The following TACR1 variants were observed in gnomAD, a reference collection of about 807,000 sequenced individuals.
TACR1 encodes tachykinin receptor 1.
TACR1 carries 25 observed loss-of-function variants against 35.8 expected under a neutral mutation model. That is an observed-to-expected ratio of 0.70 (90% CI 0.51 to 0.98). The LOEUF (loss-of-function observed/expected upper bound fraction) is 0.98, where lower values mean the gene tolerates loss of function less well. TACR1 is among the 50% of genes least tolerant of loss of function. The probability of loss-of-function intolerance (pLI) is 0.00; values close to 1 mark genes in which losing one functional copy is unlikely to be tolerated. For synonymous variants in TACR1, 195 were observed against 206.7 expected (o/e 0.94, Z 0.48); for missense variants, 478 against 522.9 (o/e 0.91, Z 0.84).
Position 75,198,950 on chromosome 2 carries a change from T to C in TACR1, c.-16A>G. 6.2e-7 allele frequency: 1 copy of C among 1,610,806 alleles called. No individual in the cohort carries two copies. Among genetic ancestry groups the C allele is most frequent in the Non-Finnish European group, 8.5e-7 (1 of 1,179,060 alleles). ...CGTTATCCATTTCGAAGCTAGGCGG[T>C]AAAGCCCTACTATCTGTACACAACC... On this transcript the variant is annotated 5_prime_UTR_variant, in exon 1 of 5. Transcript: ENST00000305249.
At chr2:75,171,271 G>C (rs527284442) in intron 1 of TACR1, among the ~76,000 whole-genome samples, 45 of 152,354 alleles carry the variant, frequency 3.0e-4, no homozygotes, top group Non-Finnish European at 5.3e-4. Flanking sequence ...CAAGCCCCAT[G>C]CCTTGGCAGC....
chr2:75,157,738 T>A (rs1276746541), intron 1 of TACR1, among the ~76,000 whole-genome samples: 1 of 152,238 alleles, frequency 6.6e-6, no homozygotes, highest in Non-Finnish European at 1.5e-5. Context: ...CAGGGAGATG[T>A]GGGTTTTAAG....
chr2:75,123,530 C>T (rs748692460), intron 1 of TACR1, among the ~76,000 whole-genome samples: 1 of 152,150 alleles, frequency 6.6e-6, no homozygotes, highest in Non-Finnish European at 1.5e-5. Flanking sequence ...TTTGGGAACG[C>T]ACTTCAGTTA....
intron 2 of TACR1, among the ~76,000 whole-genome samples, chr2:75,067,762 G>GA (rs1558541501): frequency 2.0e-5 from 3 of 152,100 alleles, no homozygotes; most frequent in Non-Finnish European, 4.4e-5. Context: ...AGGTCCAAAT[G>GA]TGCTGGGCAC....
At chr2:75,115,084 CGTGTGTGT>C (rs3079164) in intron 2 of TACR1, among the ~76,000 whole-genome samples, 63,895 of 148,632 alleles carry the variant, frequency 0.43, 14,343 homozygotes, top group Non-Finnish European at 0.51. Flanking sequence ...TGTTAACATA[CGTGTGTGT>C]GTGTGTGTGT....
At chr2:75,097,269 C>T (rs1273670560) in intron 2 of TACR1, among the ~76,000 whole-genome samples, 2 of 151,982 alleles carry the variant, frequency 1.3e-5, no homozygotes, top group Non-Finnish European at 2.9e-5. Flanking sequence ...TGAGTAGGTA[C>T]ACAGTACTTA....
Position 75,049,731 on chromosome 2 carries a change from G to T in TACR1, c.933-8C>A, listed in dbSNP as rs199753746. On this transcript the variant is annotated splice_polypyrimidine_tract_variant and splice_region_variant and intron_variant, in intron 4 of 4. Transcript: ENST00000305249. Reference sequence around the variant, plus strand: ...TTGAAGCCCAGACGGAACCTGGAGAGCGAGCAGATGAAGAGGTGACCCTTT... The same window carrying T: ...TTGAAGCCCAGACGGAACCTGGAGATCGAGCAGATGAAGAGGTGACCCTTT... 2.1e-4 allele frequency: 332 copies of T among 1,609,856 alleles called. 1 individual carries two copies. The South Asian group carries it at 3.5e-3, about 17-fold the overall frequency.
At chr2:75,197,073 A>C (rs776043064) in intron 1 of TACR1, among the ~76,000 whole-genome samples, 1 of 152,258 alleles carries the variant, frequency 6.6e-6, no homozygotes, top group Non-Finnish European at 1.5e-5. Flanking sequence ...GTAGTACAAA[A>C]GATAAATTTG....
At chr2:75,079,736 CTTTTTTTTTTT>C (rs11367021) in intron 2 of TACR1, among the ~76,000 whole-genome samples, 2 of 114,182 alleles carry the variant, frequency 1.8e-5, no homozygotes, top group African/African-American at 3.1e-5. Context: ...AACCTAATGC[CTTTTTTTTTTT>C]TTTTTTTTTT....
intron 1 of TACR1, among the ~76,000 whole-genome samples, chr2:75,123,295 T>C (rs1674008050): frequency 1.3e-5 from 2 of 152,216 alleles, no homozygotes; most frequent in Admixed American, 1.3e-4. Flanking sequence ...CATTGCCCTC[T>C]TTTAATATTA....
chr2:75,060,150 C>G (rs1455043953), intron 2 of TACR1, among the ~76,000 whole-genome samples: 4 of 152,128 alleles, frequency 2.6e-5, no homozygotes, highest in African/African-American at 9.7e-5. Flanking sequence ...TTTCTTCTTC[C>G]GGAGCTCACA....
At chr2:75,117,776 C>T (rs1398587709) in intron 2 of TACR1, among the ~76,000 whole-genome samples, 1 of 152,198 alleles carries the variant, frequency 6.6e-6, no homozygotes, top group Non-Finnish European at 1.5e-5. Context: ...TCATATAACA[C>T]AGATCCTATT....
intron 2 of TACR1, among the ~76,000 whole-genome samples, chr2:75,104,093 A>G (rs1307423768): frequency 6.6e-6 from 1 of 152,026 alleles, no homozygotes; most frequent in African/African-American, 2.4e-5. Context: ...AGTGAATTAA[A>G]TTCTCCAATC....
At chr2:75,169,915 T>C (rs1350939145) in intron 1 of TACR1, among the ~76,000 whole-genome samples, 1 of 152,212 alleles carries the variant, frequency 6.6e-6, no homozygotes, top group Non-Finnish European at 1.5e-5. Flanking sequence ...TTCTTCTACA[T>C]GACAAATTTG....
At chr2:75,112,144 C>T (rs1183326975) in intron 2 of TACR1, among the ~76,000 whole-genome samples, 1 of 151,904 alleles carries the variant, frequency 6.6e-6, no homozygotes, top group East Asian at 1.9e-4. Flanking sequence ...ATCTTTAGCA[C>T]ATACTAAACA....
intron 2 of TACR1, among the ~76,000 whole-genome samples, chr2:75,098,309 C>T (rs1484444387): frequency 2.0e-5 from 3 of 152,024 alleles, no homozygotes; most frequent in African/African-American, 7.2e-5. Flanking sequence ...ATAACATGAG[C>T]ATTTTCTCAT....
intron 1 of TACR1, among the ~76,000 whole-genome samples, chr2:75,182,185 A>C (rs1675575100): frequency 6.6e-6 from 1 of 152,218 alleles, no homozygotes; most frequent in Non-Finnish European, 1.5e-5. Flanking sequence ...TAAGAGTGAA[A>C]AAGCATTTCT....
intron 1 of TACR1, among the ~76,000 whole-genome samples, chr2:75,121,070 C>T (rs1044622879): frequency 6.6e-6 from 1 of 152,136 alleles, no homozygotes; most frequent in Non-Finnish European, 1.5e-5. Flanking sequence ...CAGCCAAGTA[C>T]AGGTAAGTGA....
intron 1 of TACR1, among the ~76,000 whole-genome samples, chr2:75,143,506 G>A (rs1674449256): frequency 6.6e-6 from 1 of 152,192 alleles, no homozygotes; most frequent in African/African-American, 2.4e-5. Context: ...GCATTACTGT[G>A]TGTAGGCATT....
Sources: gnomAD v4.1 joint callset for allele counts (sites outside exome capture counted in the v4.1 genomes callset) on GRCh38, gnomAD v4.1.1 for gene constraint, MANE v1.5 for transcripts, NCBI Gene and HGNC (gene_info 2026-07-23, HGNC 2026-07-21) for gene names.